The following GMNC variants were observed in gnomAD, a reference collection of about 807,000 sequenced individuals.
The protein encoded by GMNC is geminin coiled-coil domain-containing protein 1.
GMNC carries 16 observed loss-of-function variants against 33.6 expected under a neutral mutation model. That is an observed-to-expected ratio of 0.48 (90% CI 0.32 to 0.72). The LOEUF (loss-of-function observed/expected upper bound fraction) is 0.72. Among genes scored for constraint, GMNC ranks in the 30% least tolerant of loss-of-function variants. The pLI is 0.03. For synonymous variants in GMNC, 156 were observed against 147.3 expected (o/e 1.06, Z -0.43); for missense variants, 393 against 388.9 (o/e 1.01, Z -0.09).
chr3:190,861,081 G>A lies in GMNC; in HGVS notation c.4-223C>T, dbSNP rs1737855636. Among the ~76,000 whole-genome samples, 1 of 152,032 alleles carries A rather than the reference G, an allele frequency of 6.6e-6. No homozygotes were observed. The highest frequency in any genetic ancestry group is 1.5e-5 in the Non-Finnish European group (1 of 68,014). On this transcript the variant is annotated intron_variant, in intron 1 of 4. Coordinates refer to ENST00000442080, the MANE Select transcript of GMNC (RefSeq NM_001146686.3). The surrounding 1 kb of genome is among the most constrained non-coding windows in gnomAD (Gnocchi z 5.1). Reference sequence around the variant, plus strand: ...TTGGTTTACCCAGAATTTCCCTTAGGCCCTCTGAGCAAAAGAGCAGACTAG... The same window carrying A: ...TTGGTTTACCCAGAATTTCCCTTAGACCCTCTGAGCAAAAGAGCAGACTAG...
chr3:190,848,682 G>T (rs1404196183), downstream of GMNC, among the ~76,000 whole-genome samples: 1 of 152,154 alleles, frequency 6.6e-6, no homozygotes, highest in Non-Finnish European at 1.5e-5. Context: ...TGAAGATCGA[G>T]GATGTATGAT....
downstream of GMNC, among the ~76,000 whole-genome samples, chr3:190,851,719 A>G (rs1213490688): frequency 1.3e-5 from 2 of 152,150 alleles, no homozygotes; most frequent in African/African-American, 4.8e-5. Context: ...CAAAATTTAC[A>G]GAATAAATGG....
rs1300334075 is a variant in GMNC at position 190,861,958 on chromosome 3, AG to A, written c.3+654del. On this transcript the variant is annotated intron_variant, in intron 1 of 4. Coordinates refer to ENST00000442080, the MANE Select transcript of GMNC (RefSeq NM_001146686.3). This position sits in a 1 kb window ranked among gnomAD's most constrained non-coding sequence, Gnocchi z 5.1. The stretch of plus-strand genomic sequence containing the variant: ...ATAAACAGAGAGAAAACAAATAAGA[AG>A]AAAAAAGAGAAAAAAAAGTTAAGTC... 6.6e-6 allele frequency among the ~76,000 whole-genome samples: 1 copy of A among 152,190 alleles called. No individual in the cohort carries two copies. The highest frequency in any genetic ancestry group is 2.4e-5 in the African/African-American group (1 of 41,442).
At chr3:190,856,422 TATTA>T (rs1418956494) in intron 4 of GMNC, among the ~76,000 whole-genome samples, 1 of 132,404 alleles carries the variant, frequency 7.6e-6, no homozygotes, top group Non-Finnish European at 1.6e-5. Context: ...TATTAATAAA[TATTA>T]ATTTATATAA....
At position 190,855,213 on chromosome 3, in the gene GMNC, G is replaced by T; in HGVS notation, c.*82C>A. 1 of 1,373,076 alleles carries T rather than the reference G, an allele frequency of 7.3e-7. No homozygotes were observed. The highest frequency in any genetic ancestry group is 9.9e-7 in the Non-Finnish European group (1 of 1,010,388). 85.1% of individuals were successfully genotyped at this position (1,373,076 alleles called of 1,614,324 possible). A position where few individuals can be genotyped will look rare whatever the true frequency, so the allele number is the denominator to read the frequency against. ...AGACAGTCTAAGCAACAGCTTCTGT[G>T]TTCCACATAGTCAAATTCAAGTGCA... On this transcript the variant is annotated 3_prime_UTR_variant, in exon 5 of 5. Transcript: ENST00000442080.
downstream of GMNC, among the ~76,000 whole-genome samples, chr3:190,851,798 G>C (rs1737638655): frequency 6.6e-6 from 1 of 151,844 alleles, no homozygotes. Flanking sequence ...AGGGCCAAAA[G>C]TAGGATTAAG....
chr3:190,850,509 T>G (rs1466716393), downstream of GMNC, among the ~76,000 whole-genome samples: 1 of 152,186 alleles, frequency 6.6e-6, no homozygotes, highest in African/African-American at 2.4e-5. Context: ...GAAATTCGTG[T>G]CCGTTTGCAG....
chr3:190,852,863 A>C lies in GMNC; in HGVS notation c.*2432T>G, dbSNP rs1273155404. On this transcript the variant is annotated 3_prime_UTR_variant, in exon 5 of 5. Coordinates refer to ENST00000442080, the MANE Select transcript of GMNC (RefSeq NM_001146686.3). The stretch of plus-strand genomic sequence containing the variant: ...CCAGAGAGACATGGTGAAGCCATAC[A>C]AGTAAAACATATACTCAGGTGAAAG... The C allele has an allele frequency of 6.6e-6, 1 of 152,176 alleles. No individual in the cohort carries two copies. The highest frequency in any genetic ancestry group is 6.5e-5 in the Admixed American group (1 of 15,270). The allele number at this position is 152,176 out of a possible 1,614,324, so 9.4% of individuals were successfully genotyped here.
At chr3:190,844,196 G>T in the GMNC span, among the ~76,000 whole-genome samples, 1 of 151,898 alleles carries the variant, frequency 6.6e-6, no homozygotes, top group Non-Finnish European at 1.5e-5. Flanking sequence ...CATGACTTCT[G>T]GTAATTACCT....
intron 4 of GMNC, among the ~76,000 whole-genome samples, chr3:190,856,527 AT>A (rs1737751500): frequency 6.9e-6 from 1 of 144,954 alleles, no homozygotes; most frequent in Non-Finnish European, 1.5e-5. Context: ...TATCTTTATC[AT>A]TTATAAATGA....
At position 190,862,664 on chromosome 3, in the gene GMNC, A is replaced by G. The variant is rs1251215355; in HGVS notation, c.-49T>C. 1.3e-6 allele frequency: 2 copies of G among 1,551,928 alleles called. No homozygotes were observed. Among genetic ancestry groups the G allele is most frequent in the African/African-American group, 1.4e-5 (1 of 73,182 alleles). On this transcript the variant is annotated 5_prime_UTR_variant, in exon 1 of 5. Transcript: ENST00000442080. This position sits in a 1 kb window ranked among gnomAD's most constrained non-coding sequence, Gnocchi z 4.5. ...AGAAACTGAGCCCACTCAATTTTTC[A>G]GTAAAACCAGTGGGAGCTTTAAATG...
At chr3:190,848,148 A>G (rs534247771), downstream of GMNC, among the ~76,000 whole-genome samples, 1 of 152,292 alleles carries the variant, frequency 6.6e-6, no homozygotes, top group African/African-American at 2.4e-5. Context: ...GTTACAAATA[A>G]CATATCTAAG....
chr3:190,855,718 C>A lies in GMNC; in HGVS notation c.582G>T (p.Gly194=). 6.4e-7 allele frequency: 1 copy of A among 1,551,550 alleles called. No individual in the cohort carries two copies. The highest frequency in any genetic ancestry group is 2.4e-5 in the East Asian group (1 of 40,908). ...PVDPWVLQTL[G]LKDLDTIDDT... ...CATCGATAGTGTCAAGGTCTTTTAA[C>A]CCAAGTGTTTGAAGGACCCAGGGAT... Residue 194 remains glycine, a synonymous_variant, in exon 5 of 5, where the codon GGG becomes GGT. Transcript: ENST00000442080.
chr3:190,847,985 C>A (rs1254372730), downstream of GMNC, among the ~76,000 whole-genome samples: 1 of 152,174 alleles, frequency 6.6e-6, no homozygotes, highest in Non-Finnish European at 1.5e-5. Context: ...ATTTTCACTA[C>A]GTACATTCCC....
At position 190,861,297 on chromosome 3, in the gene GMNC, T is replaced by C. The variant is rs1250399859; in HGVS notation, c.4-439A>G. ...CTCCTGAAGGACAAAGAACGCAGAA[T>C]GCTAAAGCTGAAATGGATGTGACAT... On this transcript the variant is annotated intron_variant, in intron 1 of 4. Transcript: ENST00000442080. This position sits in a 1 kb window ranked among gnomAD's most constrained non-coding sequence, Gnocchi z 5.1. 1.3e-5 allele frequency among the ~76,000 whole-genome samples: 2 copies of C among 152,234 alleles called. No individual in the cohort carries two copies. The highest frequency in any genetic ancestry group is 3.8e-4 in the East Asian group (2 of 5,198).
chr3:190,846,969 G>A, the GMNC span, among the ~76,000 whole-genome samples: 4 of 152,102 alleles, frequency 2.6e-5, no homozygotes, highest in Non-Finnish European at 5.9e-5. Context: ...TTCCAATGTG[G>A]GTTAAACGTG....
rs776916340 is a variant in GMNC at position 190,854,236 on chromosome 3, T to C, written c.*1059A>G. The C allele has an allele frequency of 6.6e-6, 1 of 152,132 alleles. No individual in the cohort carries two copies. The highest frequency in any genetic ancestry group is 1.5e-5 in the Non-Finnish European group (1 of 68,022). 9.4% of individuals were successfully genotyped at this position (152,132 alleles called of 1,614,324 possible). A position where few individuals can be genotyped will look rare whatever the true frequency, so the allele number is the denominator to read the frequency against. ...TATTCTACAGTTGGGAAACTGAACC[T>C]TCACAAAAGGGAAGTCGTTTTCGCA... On this transcript the variant is annotated 3_prime_UTR_variant, in exon 5 of 5. Coordinates refer to ENST00000442080, the MANE Select transcript of GMNC (RefSeq NM_001146686.3).
At position 190,860,702 on chromosome 3, in the gene GMNC, G is replaced by C; in HGVS notation, c.160C>G (p.Gln54Glu). The stretch of plus-strand genomic sequence containing the variant: ...AACTTACCCTGTGCCTGTGGTGCTT[G>C]TTGGAGCTCTCTGTTGTCCAGGAGA... ...AGLLDNRELQQAPQAQESFSD... is the reference protein window; with the variant it reads ...AGLLDNRELQEAPQAQESFSD... Residue 54 changes from glutamine (Q) to glutamate (E), a missense_variant, in exon 2 of 5, where the codon CAA (glutamine) becomes GAA (glutamate). Physicochemically the swap from Gln to Glu is conservative, Grantham distance 29 (BLOSUM62 2). Coordinates refer to ENST00000442080, the MANE Select transcript of GMNC (RefSeq NM_001146686.3). 6.4e-7 allele frequency: 1 copy of C among 1,550,804 alleles called. No homozygotes were observed. The highest frequency in any genetic ancestry group is 1.2e-5 in the South Asian group (1 of 83,982).
chr3:190,856,336 TA>T (rs940548027), intron 4 of GMNC, among the ~76,000 whole-genome samples: 3 of 129,942 alleles, frequency 2.3e-5, no homozygotes, highest in Non-Finnish European at 1.6e-5. Context: ...TATAAATAAA[TA>T]AAAATATTTA....
Sources: allele counts gnomAD v4.1 joint callset (sites outside exome capture counted in the v4.1 genomes callset), GRCh38; gene constraint gnomAD v4.1.1; non-coding constraint Gnocchi (gnomAD v3.1); transcripts MANE v1.5; gene names NCBI Gene and HGNC (gene_info 2026-07-23, HGNC 2026-07-21).